Variants in CCDC73 observed in about 807,000 individuals in gnomAD.
CCDC73 encodes the protein coiled-coil domain-containing protein 73.
Under a neutral mutation model 116.5 loss-of-function variants are expected in CCDC73, and 95 were observed. The ratio of observed to expected loss-of-function variants is 0.82; its 90% CI spans 0.69 to 0.97. The LOEUF (loss-of-function observed/expected upper bound fraction) is 0.97. Among genes scored for constraint, CCDC73 ranks in the 50% least tolerant of loss-of-function variants. The pLI, the probability that CCDC73 is intolerant of heterozygous loss-of-function variation, is 0.00. For missense variants in CCDC73, 1,066 were observed against 1,206.8 expected (o/e 0.88, Z 1.73); for synonymous variants, 398 against 401.3 (o/e 0.99, Z 0.10).
intron 6 of CCDC73, among the ~76,000 whole-genome samples, chr11:32,695,169 G>A (rs1026116997): frequency 2.0e-5 from 3 of 152,146 alleles, no homozygotes; most frequent in Non-Finnish European, 4.4e-5. Context: ...AGGAGTTCAA[G>A]ACCAGCCTGG....
chr11:32,781,071 G>A (rs183155221), intron 1 of CCDC73, among the ~76,000 whole-genome samples: 5 of 152,284 alleles, frequency 3.3e-5, no homozygotes, highest in South Asian at 2.1e-4. Context: ...GAAGGCGGAC[G>A]TTGCAGTGAG....
chr11:32,618,392 C>A (rs1387933030), intron 14 of CCDC73, among the ~76,000 whole-genome samples: 1 of 152,074 alleles, frequency 6.6e-6, no homozygotes, highest in Non-Finnish European at 1.5e-5. Context: ...TGGCTATATA[C>A]CTGGTAATAG....
chr11:32,788,665 G>C (rs1850647589), intron 1 of CCDC73, among the ~76,000 whole-genome samples: 2 of 151,596 alleles, frequency 1.3e-5, no homozygotes, highest in Non-Finnish European at 2.9e-5. Flanking sequence ...TGTAGGGATG[G>C]GGTCTCACTA....
intron 6 of CCDC73, among the ~76,000 whole-genome samples, chr11:32,691,691 A>C (rs974013273): frequency 1.3e-5 from 2 of 151,984 alleles, no homozygotes; most frequent in Admixed American, 6.6e-5. Context: ...AGAGTAGCTA[A>C]AGTTTTTAAT....
rs145293910 is a variant in CCDC73, at chr11:32,719,235, C to A, written c.136-1088G>T. 3.0e-3 allele frequency among the ~76,000 whole-genome samples: 462 copies of A among 152,326 alleles called. 5 individuals are homozygous for A. Among genetic ancestry groups the A allele is most frequent in the African/African-American group, 0.011 (449 of 41,560 alleles). On this transcript the variant is annotated intron_variant, in intron 2 of 17. Coordinates refer to ENST00000335185, the MANE Select transcript of CCDC73 (RefSeq NM_001008391.4). ...AAACATAAGGTATCACTAGAGAAAT[C>A]TGAAGCTTCTGCTGAATAACAGGCA...
the CCDC73 span, among the ~76,000 whole-genome samples, chr11:32,816,175 T>A: frequency 6.6e-6 from 1 of 152,184 alleles, no homozygotes; most frequent in Non-Finnish European, 1.5e-5. Flanking sequence ...CAAGTATAGA[T>A]ATATTAACCT....
chr11:32,630,079 CT>C (rs1477319978), intron 14 of CCDC73, among the ~76,000 whole-genome samples: 1 of 151,948 alleles, frequency 6.6e-6, no homozygotes, highest in Non-Finnish European at 1.5e-5. Flanking sequence ...TTTTAATTTT[CT>C]TTGTCAGATA....
chr11:32,620,479 C>T (rs768846858), intron 14 of CCDC73, among the ~76,000 whole-genome samples: 29 of 151,922 alleles, frequency 1.9e-4, no homozygotes, highest in South Asian at 6.3e-4. Flanking sequence ...GGCGTGGTGG[C>T]GGATGCCTGT....
At position 32,602,928 on chromosome 11, in the gene CCDC73, C is replaced by T. The variant is rs749276562; in HGVS notation, c.3123G>A (p.Gln1041=). Residue 1041 remains glutamine (Q), a synonymous_variant, in exon 18 of 18, where the codon CAG becomes CAA. Coordinates refer to ENST00000335185, the MANE Select transcript of CCDC73 (RefSeq NM_001008391.4). ...TATTTAGTTGATTCGTAATGAGGCT[C>T]TGCCAGTCATCATCACCAGAAGTAT... ...TKNTSGDDDW[Q]SLITNQLNKS... 1 of 1,613,404 alleles carries T rather than the reference C, an allele frequency of 6.2e-7. No individual in the cohort carries two copies.
intron 3 of CCDC73, among the ~76,000 whole-genome samples, chr11:32,715,245 GGTGT>G (rs1386374651): frequency 6.6e-6 from 1 of 152,054 alleles, no homozygotes; most frequent in African/African-American, 2.4e-5. Context: ...GCCACTCTAT[GGTGT>G]GAGTCCAATT....
intron 14 of CCDC73, among the ~76,000 whole-genome samples, chr11:32,619,587 T>G (rs1457494454): frequency 6.6e-6 from 1 of 150,700 alleles, no homozygotes; most frequent in Non-Finnish European, 1.5e-5. Flanking sequence ...GCAGGAGGAG[T>G]GGTTAAGCTC....
rs1850456881 is a variant in CCDC73, at chr11:32,767,857, CTT to C, written c.-15-7601_-15-7600del. Among the ~76,000 whole-genome samples the C allele has an allele frequency of 3.3e-5, 5 of 152,280 alleles. No homozygotes were observed. In the South Asian group the frequency reaches 1.0e-3, roughly 32 times the overall value. On this transcript the variant is annotated intron_variant, in intron 1 of 17. Transcript: ENST00000335185. ...GAGAGGATGTGGAGAAATAGGAACA[CTT>C]TTACACTGTTGGTGGGACGGTAAAC... is the stretch of plus-strand genomic sequence containing the variant.
At chr11:32,757,600 C>T (rs1850355312) in intron 2 of CCDC73, among the ~76,000 whole-genome samples, 1 of 152,144 alleles carries the variant, frequency 6.6e-6, no homozygotes, top group Non-Finnish European at 1.5e-5. Context: ...GGGCGGCATA[C>T]CTTCTACAGT....
chr11:32,794,215 CAGA>C (rs1171223750), intron 1 of CCDC73: 4 of 152,078 alleles, frequency 2.6e-5, no homozygotes, highest in Non-Finnish European at 4.4e-5. Flanking sequence ...TGAAAATTTT[CAGA>C]AGAACAATCG....
At chr11:32,632,436 G>A (rs1437752049) in intron 14 of CCDC73, among the ~76,000 whole-genome samples, 1 of 152,132 alleles carries the variant, frequency 6.6e-6, no homozygotes, top group Non-Finnish European at 1.5e-5. Context: ...ATGTTGCCCA[G>A]GGTGGTCTTG....
intron 3 of CCDC73, among the ~76,000 whole-genome samples, chr11:32,707,473 C>A (rs2133321650): frequency 6.6e-6 from 1 of 150,546 alleles, no homozygotes; most frequent in Non-Finnish European, 1.5e-5. Flanking sequence ...TTTGTTTTTT[C>A]CTGGGAAAGT....
intron 1 of CCDC73, among the ~76,000 whole-genome samples, chr11:32,765,448 G>C (rs1055723574): frequency 6.6e-6 from 1 of 152,118 alleles, no homozygotes; most frequent in Admixed American, 6.6e-5. Flanking sequence ...TAGAACTCAG[G>C]ATTAACAAAC....
upstream of CCDC73, among the ~76,000 whole-genome samples, chr11:32,799,112 G>T (rs1327384185): frequency 2.4e-5 from 3 of 125,640 alleles, no homozygotes; most frequent in African/African-American, 9.1e-5. Flanking sequence ...TTTTTTTTGA[G>T]ACAGAGTTTC....
intron 3 of CCDC73, 85 bp downstream of exon 3, chr11:32,717,991 C>A (rs1849959955): frequency 3.4e-6 from 3 of 876,266 alleles, no homozygotes; most frequent in Non-Finnish European, 5.4e-6. Flanking sequence ...TCCACCTTGT[C>A]TCTCCCTTGA....
Sources: allele counts gnomAD v4.1 joint callset (sites outside exome capture counted in the v4.1 genomes callset), GRCh38; gene constraint gnomAD v4.1.1; transcripts MANE v1.5; gene names NCBI Gene and HGNC (gene_info 2026-07-23, HGNC 2026-07-21).